The following CDO1 variants were observed in gnomAD, a reference collection of about 807,000 sequenced individuals.
CDO1 encodes cysteine dioxygenase, type I.
A neutral mutation model predicts 24.5 loss-of-function variants in CDO1; 19 were observed. That is an observed-to-expected ratio of 0.77 (90% CI 0.54 to 1.14). The LOEUF (loss-of-function observed/expected upper bound fraction) is 1.14. Among genes scored for constraint, CDO1 ranks in the 50% most tolerant of loss-of-function variants. The probability of loss-of-function intolerance (pLI) is 0.00; values close to 1 mark genes in which losing one functional copy is unlikely to be tolerated. For synonymous variants in CDO1, 91 were observed against 87.0 expected (o/e 1.05, Z -0.26); for missense variants, 244 against 244.8 (o/e 1.00, Z 0.02).
chr5:115,805,710 G>A (rs1204196228), intron 4 of CDO1, among the ~76,000 whole-genome samples: 1 of 152,174 alleles, frequency 6.6e-6, no homozygotes, highest in Non-Finnish European at 1.5e-5. Context: ...TAAGACTCAA[G>A]GATTGCTTTG....
chr5:115,816,563 CAG>C lies in CDO1; in HGVS notation c.-168_-167del. 1 of 740,948 alleles carries C rather than the reference CAG, an allele frequency of 1.3e-6. No homozygotes were observed. The highest frequency in any genetic ancestry group is 2.7e-5 in the East Asian group (1 of 37,392). The allele number at this position is 740,948 out of a possible 1,614,324, so 45.9% of individuals were successfully genotyped here. ...GTGCCGAAACGTAAGGATGTCGTCGCAGAGACAGCAAGAGACCCACCCCCAGG... is the reference window on the plus strand; with the variant it reads ...GTGCCGAAACGTAAGGATGTCGTCGCAGACAGCAAGAGACCCACCCCCAGG... On this transcript the variant is annotated 5_prime_UTR_variant, in exon 1 of 5. Coordinates refer to ENST00000250535, the MANE Select transcript of CDO1 (RefSeq NM_001801.3).
Position 115,814,135 on chromosome 5 carries a change from C to T in CDO1, c.171-877G>A, listed in dbSNP as rs111541479. Among the ~76,000 whole-genome samples the T allele has an allele frequency of 6.8e-3, 1,037 of 152,166 alleles. 13 individuals carry two copies. Among genetic ancestry groups the T allele is most frequent in the African/African-American group, 0.024 (1,010 of 41,496 alleles). ...CCTTCGTCATCGGTTAACTCTTGTC[C>T]AGCATGCCCCTTCCATCCTGTCCCA... On this transcript the variant is annotated intron_variant, in intron 1 of 4. Transcript: ENST00000250535.
rs772121757 is a variant in CDO1, at chr5:115,806,443, G to T, written c.479C>A (p.Pro160His). 5.6e-6 allele frequency: 9 copies of T among 1,612,416 alleles called. No individual in the cohort carries two copies. The highest frequency in any genetic ancestry group is 1.1e-5 in the South Asian group (1 of 90,708). ...ATCAAAGGCATGGCATGTATCAAAA[G>T]GTGGACTGTACAAGTGAAGGCTCAC... ...PAVSLHLYSP[P>H]FDTCHAFDQR... Residue 160 changes from proline (P) to histidine (H), a missense_variant, in exon 4 of 5, where the codon CCT (proline) becomes CAT (histidine). Pro to His is a moderately conservative substitution (Grantham distance 77). Coordinates refer to ENST00000250535, the MANE Select transcript of CDO1 (RefSeq NM_001801.3).
At chr5:115,811,724 G>A (rs1580542567) in intron 2 of CDO1, among the ~76,000 whole-genome samples, 1 of 152,290 alleles carries the variant, frequency 6.6e-6, no homozygotes, top group African/African-American at 2.4e-5. Context: ...ATCATCCATA[G>A]TAATTGTACC....
At chr5:115,809,353 C>T (rs1053980633) in intron 3 of CDO1, among the ~76,000 whole-genome samples, 4 of 152,070 alleles carry the variant, frequency 2.6e-5, no homozygotes, top group South Asian at 2.1e-4. Flanking sequence ...CAGGCCCGGT[C>T]GACCTTTTGC....
intron 3 of CDO1, among the ~76,000 whole-genome samples, chr5:115,807,939 T>C (rs1010101522): frequency 6.0e-5 from 9 of 150,760 alleles, no homozygotes; most frequent in African/African-American, 2.2e-4. Flanking sequence ...AGAAAGAAAA[T>C]AGAAAGATTC....
At chr5:115,812,060 C>T (rs1256368185) in intron 2 of CDO1, among the ~76,000 whole-genome samples, 1 of 152,072 alleles carries the variant, frequency 6.6e-6, no homozygotes, top group Non-Finnish European at 1.5e-5. Flanking sequence ...TTTGGGTATT[C>T]ATTTCATCTA....
chr5:115,813,236 G>T lies in CDO1; in HGVS notation c.193C>A (p.Gln65Lys), dbSNP rs1341099036. Residue 65 changes from glutamine (Q) to lysine (K), a missense_variant, in exon 2 of 5, where the codon CAA becomes AAA. Coordinates refer to ENST00000250535, the MANE Select transcript of CDO1 (RefSeq NM_001801.3). ...QYRYTRNLVD[Q>K]GNGKFNLMIL... is the part of the protein sequence containing the mutation. ...ATCAGATTAAATTTTCCATTTCCTTGATCCACAAGATTTCGGGTATACCTA... is the reference window on the plus strand; with the variant it reads ...ATCAGATTAAATTTTCCATTTCCTTTATCCACAAGATTTCGGGTATACCTA... The T allele has an allele frequency of 6.9e-6, 11 of 1,597,002 alleles. No homozygotes were observed. Among genetic ancestry groups the T allele is most frequent in the Non-Finnish European group, 9.4e-6 (11 of 1,165,224 alleles).
At chr5:115,816,156 GTCC>G in intron 1 of CDO1, 69 bp downstream of exon 1, 3 of 1,483,504 alleles carry the variant, frequency 2.0e-6, no homozygotes, top group Non-Finnish European at 1.8e-6. Context: ...TTTGGGCTGC[GTCC>G]CCCACGTCCA....
chr5:115,808,910 C>T (rs939030896), intron 3 of CDO1, among the ~76,000 whole-genome samples: 9 of 152,178 alleles, frequency 5.9e-5, no homozygotes, highest in African/African-American at 2.2e-4. Context: ...GAGTGCACAT[C>T]ATAAAGAAGA....
chr5:115,807,481 C>T (rs1759996443), intron 3 of CDO1, among the ~76,000 whole-genome samples: 1 of 152,042 alleles, frequency 6.6e-6, no homozygotes, highest in African/African-American at 2.4e-5. Flanking sequence ...AAAAAAGCAA[C>T]CTGCAACAGA....
At chr5:115,806,059 T>A (rs952851769) in intron 4 of CDO1, among the ~76,000 whole-genome samples, 1 of 152,328 alleles carries the variant, frequency 6.6e-6, no homozygotes, top group South Asian at 2.1e-4. Flanking sequence ...GCATAGTAAG[T>A]CATGGCAGTA....
At position 115,816,398 on chromosome 5, in the gene CDO1, C is replaced by T. The variant is rs1180916485; in HGVS notation, c.-1G>A. 6.2e-7 allele frequency: 1 copy of T among 1,612,544 alleles called. No homozygotes were observed. The highest frequency in any genetic ancestry group is 1.1e-5 in the South Asian group (1 of 91,062). Reference sequence around the variant, plus strand: ...GCTTCAGCACTTCGGTCTGTTCCATCTCGTGGGGAGCTGGCTGCGCGCGCG... The same window carrying T: ...GCTTCAGCACTTCGGTCTGTTCCATTTCGTGGGGAGCTGGCTGCGCGCGCG... On this transcript the variant is annotated 5_prime_UTR_variant, in exon 1 of 5. Transcript: ENST00000250535.
At chr5:115,813,344 T>A in intron 1 of CDO1, 86 bp from the exon 2 acceptor site, 1 of 725,610 alleles carries the variant, frequency 1.4e-6, no homozygotes, top group Non-Finnish European at 2.5e-6. Flanking sequence ...AAGTACCATT[T>A]ATTCACAAAT....
chr5:115,804,854 T>G lies in CDO1; in HGVS notation c.*579A>C, dbSNP rs1356057365. 1 of 152,252 alleles carries G rather than the reference T, an allele frequency of 6.6e-6. No individual in the cohort carries two copies. The highest frequency in any genetic ancestry group is 1.5e-5 in the Non-Finnish European group (1 of 68,054). The allele number at this position is 152,252 out of a possible 1,614,324, so 9.4% of individuals were successfully genotyped here. ...GGTTTGTTGTGGTCTGGGGATCATG[T>G]ACTTTTCTAAATCCTCTGCACTTCC... is the stretch of plus-strand genomic sequence containing the variant. On this transcript the variant is annotated 3_prime_UTR_variant, in exon 5 of 5. Transcript: ENST00000250535.
At position 115,807,742 on chromosome 5, in the gene CDO1, TA is replaced by T. The variant is rs575190564; in HGVS notation, c.404-1225del. On this transcript the variant is annotated intron_variant, in intron 3 of 4. Coordinates refer to ENST00000250535, the MANE Select transcript of CDO1 (RefSeq NM_001801.3). ...TAAATAGGAGTTTCAGAAACAGAAT[TA>T]AAAAAAAATTCAAAGAAATAACCTG... is the stretch of plus-strand genomic sequence containing the variant. 3.3e-5 allele frequency among the ~76,000 whole-genome samples: 5 copies of T among 150,086 alleles called. No homozygotes were observed. In the South Asian group the frequency reaches 6.3e-4, roughly 19 times the overall value.
chr5:115,816,480 G>A lies in CDO1; in HGVS notation c.-83C>T. 1 of 1,456,128 alleles carries A rather than the reference G, an allele frequency of 6.9e-7. No individual in the cohort carries two copies. The highest frequency in any genetic ancestry group is 2.3e-5 in the East Asian group (1 of 43,986). The allele number at this position is 1,456,128 out of a possible 1,614,324, so 90.2% of individuals were successfully genotyped here. A position where few individuals can be genotyped will look rare whatever the true frequency, so the allele number is the denominator to read the frequency against. ...GCGAGCCAAGGAGCTGGGGGCGAGG[G>A]AGCCTAACAGCCCGCTAGACCGCTA... On this transcript the variant is annotated 5_prime_UTR_variant, in exon 1 of 5. Transcript: ENST00000250535.
intron 2 of CDO1, 60 bp downstream of exon 2, chr5:115,813,121 A>AT (rs1760263895): frequency 1.1e-6 from 1 of 937,666 alleles, no homozygotes; most frequent in African/African-American, 1.7e-5. Context: ...CTGGTACTAT[A>AT]TTTTTCATAT....
chr5:115,806,496 TA>T lies in CDO1; in HGVS notation c.425del (p.Val142GlufsTer11). Reference sequence around the variant, plus strand: ...CAGGTTCCGTATGGCTGATGTTCTCTACTCGATGTAAGCCAATGGAATCTAA... The same window carrying T: ...CAGGTTCCGTATGGCTGATGTTCTCTCTCGATGTAAGCCAATGGAATCTAA... Reference protein sequence around the residue: ...YINDSIGLHRVENISHTEPAV... With the variant: ...YINDSIGLHRXENISHTEPAV... On this transcript the variant is annotated frameshift_variant, in exon 4 of 5. Coordinates refer to ENST00000250535, the MANE Select transcript of CDO1 (RefSeq NM_001801.3). LOFTEE classifies it high-confidence loss of function. 1 of 1,609,820 alleles carries T rather than the reference TA, an allele frequency of 6.2e-7. No homozygotes were observed. The highest frequency in any genetic ancestry group is 8.5e-7 in the Non-Finnish European group (1 of 1,178,636).
Sources: gnomAD v4.1 joint callset for allele counts (sites outside exome capture counted in the v4.1 genomes callset) on GRCh38, gnomAD v4.1.1 for gene constraint, MANE v1.5 for transcripts, NCBI Gene and HGNC (gene_info 2026-07-23, HGNC 2026-07-21) for gene names.